Variants in ZNF804B observed in about 807,000 individuals in gnomAD.
The protein encoded by ZNF804B is zinc finger protein 804B.
In ZNF804B, 80 loss-of-function variants were observed where a neutral mutation model predicts 101.4. That is an observed-to-expected ratio of 0.79 (90% CI 0.66 to 0.95). The LOEUF is 0.95. Ranked by LOEUF, ZNF804B falls within the 40% of genes least tolerant of loss-of-function variation. The pLI is 0.00. For missense variants in ZNF804B, 1,673 were observed against 1,561.9 expected (o/e 1.07, Z -1.20); for synonymous variants, 622 against 558.8 (o/e 1.11, Z -1.59).
chr7:88,877,043 A>G (rs868284484), intron 1 of ZNF804B, among the ~76,000 whole-genome samples: 12 of 41,812 alleles, frequency 2.9e-4, no homozygotes, highest in Non-Finnish European at 8.5e-5. Flanking sequence ...ATATATATAT[A>G]TATATATTTT....
intron 1 of ZNF804B, among the ~76,000 whole-genome samples, chr7:88,990,278 AATT>A (rs1400056575): frequency 2.6e-5 from 4 of 152,024 alleles, no homozygotes; most frequent in African/African-American, 2.4e-5. Context: ...TTAATTACAT[AATT>A]ATTATGAATT....
At chr7:89,154,099 A>C (rs917078130) in intron 1 of ZNF804B, among the ~76,000 whole-genome samples, 1 of 152,222 alleles carries the variant, frequency 6.6e-6, no homozygotes, top group Admixed American at 6.5e-5. Flanking sequence ...TCTCAAAAGA[A>C]GACATACAAA....
chr7:88,813,423 T>TAAA (rs11431380), intron 1 of ZNF804B, among the ~76,000 whole-genome samples: 6 of 135,696 alleles, frequency 4.4e-5, no homozygotes, highest in African/African-American at 8.1e-5. Flanking sequence ...AGACTCCATC[T>TAAA]AAAAAAAAAA....
intron 3 of ZNF804B, among the ~76,000 whole-genome samples, chr7:89,330,483 C>T (rs1001861410): frequency 2.0e-5 from 3 of 151,394 alleles, no homozygotes; most frequent in Non-Finnish European, 4.4e-5. Flanking sequence ...CAATTTTTTT[C>T]CAGTTATATC....
At chr7:89,288,406 A>G (rs935107489) in intron 2 of ZNF804B, among the ~76,000 whole-genome samples, 1 of 152,146 alleles carries the variant, frequency 6.6e-6, no homozygotes, top group Non-Finnish European at 1.5e-5. Flanking sequence ...CATGGATTCA[A>G]GCAACTAAGC....
intron 1 of ZNF804B, among the ~76,000 whole-genome samples, chr7:88,865,228 C>CAAAAAA (rs10706264): frequency 8.6e-6 from 1 of 115,816 alleles, no homozygotes; most frequent in Non-Finnish European, 1.9e-5. Flanking sequence ...GACTTCGTAT[C>CAAAAAA]AAAAAAAAAA....
chr7:89,188,565 C>G (rs1255026214), intron 1 of ZNF804B, among the ~76,000 whole-genome samples: 1 of 152,068 alleles, frequency 6.6e-6, no homozygotes, highest in Non-Finnish European at 1.5e-5. Context: ...ATGCTGAAAG[C>G]GTGGCCACTT....
At chr7:89,208,329 G>T (rs35333456) in intron 1 of ZNF804B, among the ~76,000 whole-genome samples, 18,561 of 152,050 alleles carry the variant, frequency 0.12, 1,215 homozygotes, top group Middle Eastern at 0.25. Flanking sequence ...TGATCCACCC[G>T]CCTTGGCCTC....
intron 1 of ZNF804B, among the ~76,000 whole-genome samples, chr7:89,034,249 T>C (rs1424337652): frequency 6.6e-6 from 1 of 152,038 alleles, no homozygotes; most frequent in East Asian, 1.9e-4. Context: ...TTTTTTGAAG[T>C]TTTACATTTA....
intron 1 of ZNF804B, among the ~76,000 whole-genome samples, chr7:89,058,352 T>C (rs1372470359): frequency 6.6e-6 from 1 of 152,138 alleles, no homozygotes; most frequent in Non-Finnish European, 1.5e-5. Context: ...AACAGAAAAT[T>C]TAGCACAAGC....
At chr7:89,260,683 A>C (rs1378614812) in intron 2 of ZNF804B, among the ~76,000 whole-genome samples, 1 of 152,090 alleles carries the variant, frequency 6.6e-6, no homozygotes, top group African/African-American at 2.4e-5. Context: ...ACGGTAAAAC[A>C]AGTATTTCAC....
intron 1 of ZNF804B, among the ~76,000 whole-genome samples, chr7:89,020,076 G>T (rs531951265): frequency 2.6e-5 from 4 of 152,040 alleles, no homozygotes; most frequent in Non-Finnish European, 4.4e-5. Flanking sequence ...TTGTGACAAT[G>T]CAGCCACCCA....
chr7:89,069,313 G>A (rs1789500137), intron 1 of ZNF804B, among the ~76,000 whole-genome samples: 4 of 152,092 alleles, frequency 2.6e-5, no homozygotes, highest in Admixed American at 2.6e-4. Flanking sequence ...CCCACAGAAG[G>A]AAAACTCATG....
rs144137116 is a variant in ZNF804B at position 89,026,183 on chromosome 7, T to C, written c.109-191972T>C. Among the ~76,000 whole-genome samples, 56 of 152,264 alleles carry C rather than the reference T, an allele frequency of 3.7e-4. 1 individual carries two copies. Among genetic ancestry groups the C allele is most frequent in the African/African-American group, 1.3e-3 (54 of 41,566 alleles). On this transcript the variant is annotated intron_variant, in intron 1 of 3. Coordinates refer to ENST00000333190, the MANE Select transcript of ZNF804B (RefSeq NM_181646.5). ...ATGTCCTCAGGAAGCTACAATGTTC[T>C]AGGCATGAATATAACAAAATTGGCA...
intron 1 of ZNF804B, among the ~76,000 whole-genome samples, chr7:88,781,016 A>G (rs989274450): frequency 1.3e-5 from 2 of 152,196 alleles, no homozygotes; most frequent in Non-Finnish European, 2.9e-5. Flanking sequence ...TTTTAGGCAC[A>G]TGTAGTTAAG....
intron 1 of ZNF804B, among the ~76,000 whole-genome samples, chr7:88,913,687 C>T (rs1036112548): frequency 5.9e-5 from 9 of 152,176 alleles, no homozygotes; most frequent in East Asian, 1.9e-4. Context: ...TGAGCCACCA[C>T]GACTGGCCAG....
rs539089443 is a variant in ZNF804B, at chr7:88,883,215, G to A, written c.108+123131G>A. 7.9e-5 allele frequency among the ~76,000 whole-genome samples: 12 copies of A among 152,116 alleles called. 1 individual carries two copies. The highest frequency in any genetic ancestry group is 2.9e-4 in the African/African-American group (12 of 41,532). On this transcript the variant is annotated intron_variant, in intron 1 of 3. Coordinates refer to ENST00000333190, the MANE Select transcript of ZNF804B (RefSeq NM_181646.5). Reference sequence around the variant, plus strand: ...AAATTGTTTAAAATGATTATTTACAGCCTCCACTGCCAGAGATTTTGATCT... The same window carrying A: ...AAATTGTTTAAAATGATTATTTACAACCTCCACTGCCAGAGATTTTGATCT...
intron 1 of ZNF804B, among the ~76,000 whole-genome samples, chr7:89,084,905 A>C (rs1057285076): frequency 1.3e-5 from 2 of 151,972 alleles, no homozygotes; most frequent in African/African-American, 4.8e-5. Flanking sequence ...ATAAGTAAAA[A>C]TACTATGGTG....
intron 1 of ZNF804B, among the ~76,000 whole-genome samples, chr7:89,049,876 G>T (rs1413733526): frequency 6.6e-6 from 1 of 152,032 alleles, no homozygotes; most frequent in Non-Finnish European, 1.5e-5. Flanking sequence ...GCCATGCATG[G>T]TGGCATGTGC....
Sources: gnomAD v4.1 joint callset for allele counts (sites outside exome capture counted in the v4.1 genomes callset) on GRCh38, gnomAD v4.1.1 for gene constraint, MANE v1.5 for transcripts, NCBI Gene and HGNC (gene_info 2026-07-23, HGNC 2026-07-21) for gene names.